MTMR12: variants seen among roughly 807,000 people sequenced by gnomAD.
MTMR12 encodes the protein myotubularin related protein 12, also known as myotubularin-related protein 12.
Under a neutral mutation model 96.7 loss-of-function variants are expected in MTMR12, and 33 were observed. The observed-to-expected ratio is 0.34, with a 90% CI of 0.26 to 0.46. The LOEUF (loss-of-function observed/expected upper bound fraction) is 0.46, where lower values mean the gene tolerates loss of function less well. MTMR12 is among the 20% of genes least tolerant of loss of function. The pLI is 1.00. For synonymous variants in MTMR12, 298 were observed against 327.2 expected (o/e 0.91, Z 0.96); for missense variants, 721 against 896.1 (o/e 0.80, Z 2.49).
intron 12 of MTMR12, among the ~76,000 whole-genome samples, chr5:32,241,294 C>G (rs1312460510): frequency 6.6e-6 from 1 of 152,120 alleles, no homozygotes; most frequent in African/African-American, 2.4e-5. Context: ...GGCAGAGGCT[C>G]AATAAATGTA....
intron 13 of MTMR12, among the ~76,000 whole-genome samples, chr5:32,237,985 A>C (rs1307459968): frequency 6.6e-6 from 1 of 151,464 alleles, no homozygotes; most frequent in East Asian, 2.0e-4. Flanking sequence ...TCTACTAAAA[A>C]TACAAAAAAT....
chr5:32,310,898 G>A (rs896591288), intron 1 of MTMR12, among the ~76,000 whole-genome samples: 2 of 149,864 alleles, frequency 1.3e-5, no homozygotes, highest in Non-Finnish European at 3.0e-5. Context: ...TTTTGAGATG[G>A]AGTCTCGCTC....
rs148418494 is a variant in MTMR12, at chr5:32,247,671, T to C, written c.1021+331A>G. 1,011 of 881,426 alleles carry C rather than the reference T, an allele frequency of 1.1e-3. 16 individuals are homozygous for C. The African/African-American group carries it at 0.017, about 15-fold the overall frequency. The allele number at this position is 881,426 out of a possible 1,614,324, so 54.6% of individuals were successfully genotyped here. Reference sequence around the variant, plus strand: ...TATTCACTTTATAAATTACTGCAAGTCAACAAATATAAATACTACATAGTT... The same window carrying C: ...TATTCACTTTATAAATTACTGCAAGCCAACAAATATAAATACTACATAGTT... On this transcript the variant is annotated intron_variant, in intron 10 of 15. Transcript: ENST00000382142.
intron 2 of MTMR12, among the ~76,000 whole-genome samples, chr5:32,274,536 C>T (rs1009081265): frequency 2.0e-5 from 3 of 152,106 alleles, no homozygotes; most frequent in South Asian, 2.1e-4. Context: ...CCTAAAAAAA[C>T]GCAGATCCCA....
intron 4 of MTMR12, 142 bp downstream of exon 4, chr5:32,271,691 T>G (rs1311073977): frequency 2.1e-6 from 1 of 475,054 alleles, no homozygotes; most frequent in Non-Finnish European, 3.6e-6. Context: ...CATCTCAATT[T>G]TAGCATCTAT....
chr5:32,294,257 A>G (rs1321511380), intron 1 of MTMR12, among the ~76,000 whole-genome samples: 1 of 151,578 alleles, frequency 6.6e-6, no homozygotes, highest in Non-Finnish European at 1.5e-5. Flanking sequence ...TTTGCTAGAT[A>G]CCCAAACCAC....
At chr5:32,298,603 A>G (rs888104078) in intron 1 of MTMR12, among the ~76,000 whole-genome samples, 2 of 152,140 alleles carry the variant, frequency 1.3e-5, no homozygotes, top group African/African-American at 4.8e-5. Flanking sequence ...TGGCAGTCCT[A>G]TAAGAGGGAC....
intron 1 of MTMR12, among the ~76,000 whole-genome samples, chr5:32,295,887 C>T (rs2112141934): frequency 6.6e-6 from 1 of 152,232 alleles, no homozygotes; most frequent in Middle Eastern, 3.4e-3. Context: ...GGCATGGTGG[C>T]TCATTCCTGT....
chr5:32,308,119 C>T (rs1178467232), intron 1 of MTMR12, among the ~76,000 whole-genome samples: 2 of 152,050 alleles, frequency 1.3e-5, no homozygotes, highest in Non-Finnish European at 2.9e-5. Flanking sequence ...GTCAGGAGTT[C>T]GAGACCAGCC....
intron 8 of MTMR12, among the ~76,000 whole-genome samples, chr5:32,253,685 C>T (rs1044828275): frequency 2.6e-5 from 4 of 152,230 alleles, no homozygotes; most frequent in African/African-American, 7.2e-5. Flanking sequence ...TGCAGTGGCA[C>T]GATCACAGTT....
In MTMR12 at chr5:32,228,830, T is replaced by C. The variant is rs978133152; in HGVS notation, c.*948A>G. 2 of 151,754 alleles carry C rather than the reference T, an allele frequency of 1.3e-5. No individual in the cohort carries two copies. Among genetic ancestry groups the C allele is most frequent in the Admixed American group, 1.3e-4 (2 of 15,122 alleles). The allele number at this position is 151,754 out of a possible 1,614,324, so 9.4% of individuals were successfully genotyped here. A position where few individuals can be genotyped will look rare whatever the true frequency, so the allele number is the denominator to read the frequency against. ...CCATCAGTCCATAAAGGTAAAAGAA[T>C]GTGAGGAACTCGGCTCAGGGGTTGC... On this transcript the variant is annotated 3_prime_UTR_variant, in exon 16 of 16. Transcript: ENST00000382142.
intron 10 of MTMR12, among the ~76,000 whole-genome samples, chr5:32,245,444 T>C (rs548197167): frequency 2.0e-5 from 3 of 152,304 alleles, no homozygotes; most frequent in African/African-American, 7.2e-5. Flanking sequence ...AAATTGCCCT[T>C]GTTTGATAGG....
intron 2 of MTMR12, among the ~76,000 whole-genome samples, chr5:32,274,609 T>C (rs58520515): frequency 4.6e-5 from 7 of 152,248 alleles, no homozygotes; most frequent in African/African-American, 1.7e-4. Flanking sequence ...AGAGTGACAG[T>C]GCCTCCCTGG....
intron 1 of MTMR12, among the ~76,000 whole-genome samples, chr5:32,311,886 G>C (rs1751612208): frequency 6.6e-6 from 1 of 152,118 alleles, no homozygotes; most frequent in South Asian, 2.1e-4. Flanking sequence ...CCTTTGCGAG[G>C]AGGAAAAAGA....
At chr5:32,286,586 A>C (rs1379804538) in intron 1 of MTMR12, among the ~76,000 whole-genome samples, 1 of 152,210 alleles carries the variant, frequency 6.6e-6, no homozygotes, top group East Asian at 1.9e-4. Context: ...TAGAATACTA[A>C]GTAATGAGTG....
chr5:32,295,205 G>C (rs116601610), intron 1 of MTMR12, among the ~76,000 whole-genome samples: 3,700 of 152,334 alleles, frequency 0.024, 70 homozygotes, highest in Middle Eastern at 0.041. Context: ...CTGAAAGCAT[G>C]ACAGGAGGCA....
intron 8 of MTMR12, among the ~76,000 whole-genome samples, chr5:32,253,391 T>C (rs1749018340): frequency 6.6e-6 from 1 of 152,218 alleles, no homozygotes; most frequent in African/African-American, 2.4e-5. Context: ...TTTAATTTGC[T>C]TAAGGCCATT....
chr5:32,292,785 G>A (rs550389709), intron 1 of MTMR12, among the ~76,000 whole-genome samples: 1 of 152,336 alleles, frequency 6.6e-6, no homozygotes, highest in Admixed American at 6.5e-5. Flanking sequence ...CTGCTGAGGT[G>A]TTTGCTGAAG....
At chr5:32,267,185 G>C (rs1035270210) in intron 6 of MTMR12, among the ~76,000 whole-genome samples, 1 of 151,942 alleles carries the variant, frequency 6.6e-6, no homozygotes, top group Non-Finnish European at 1.5e-5. Context: ...AGAGCAGCCT[G>C]GCCAACATGG....
Sources: allele counts gnomAD v4.1 joint callset (sites outside exome capture counted in the v4.1 genomes callset), GRCh38; gene constraint gnomAD v4.1.1; transcripts MANE v1.5; gene names NCBI Gene and HGNC (gene_info 2026-07-23, HGNC 2026-07-21).